NLRP11: variants seen among roughly 807,000 people sequenced by gnomAD.
The protein encoded by NLRP11 is NACHT, LRR and PYD domains-containing protein 11.
NLRP11 carries 53 observed loss-of-function variants against 79.3 expected under a neutral mutation model. That is an observed-to-expected ratio of 0.67 (90% CI 0.54 to 0.84). NLRP11 has a LOEUF of 0.84. Ranked by LOEUF, NLRP11 falls within the 40% of genes least tolerant of loss-of-function variation. The probability of loss-of-function intolerance (pLI) is 0.00; values close to 1 mark genes in which losing one functional copy is unlikely to be tolerated. For synonymous variants in NLRP11, 518 were observed against 462.6 expected, an observed-to-expected ratio of 1.12 and a Z score of -1.54; for missense variants, 1,264 against 1,255.0, an observed-to-expected ratio of 1.01 and a Z score of -0.11.
At chr19:55,788,273 A>G (rs1188506832) in intron 9 of NLRP11, among the ~76,000 whole-genome samples, 1 of 152,174 alleles carries the variant, frequency 6.6e-6, no homozygotes, top group East Asian at 1.9e-4. Flanking sequence ...TACGTCAAGT[A>G]TAATATCAAC....
upstream of NLRP11, among the ~76,000 whole-genome samples, chr19:55,833,372 G>A (rs1036424486): frequency 8.5e-5 from 13 of 152,080 alleles, no homozygotes; most frequent in African/African-American, 3.1e-4. Context: ...ACTAGTACAA[G>A]CCAAGAGACG....
At chr19:55,819,185 A>G (rs1981445668) in intron 1 of NLRP11, among the ~76,000 whole-genome samples, 2 of 119,504 alleles carry the variant, frequency 1.7e-5, no homozygotes, top group African/African-American at 7.3e-5. Flanking sequence ...ACACACACAC[A>G]CACAGGTTGC....
intron 7 of NLRP11, among the ~76,000 whole-genome samples, chr19:55,790,901 G>A (rs1206808955): frequency 6.6e-6 from 1 of 152,212 alleles, no homozygotes; most frequent in African/African-American, 2.4e-5. Flanking sequence ...CCCTATGGGA[G>A]CTCATAGAGG....
intron 5 of NLRP11, among the ~76,000 whole-genome samples, chr19:55,797,226 G>C (rs997933048): frequency 2.6e-5 from 4 of 152,076 alleles, no homozygotes; most frequent in African/African-American, 9.7e-5. Context: ...TTGAACTCAG[G>C]AGTTCGAGGC....
At chr19:55,787,462 G>A (rs140396500) in intron 9 of NLRP11, among the ~76,000 whole-genome samples, 1,966 of 152,198 alleles carry the variant, frequency 0.013, 52 homozygotes, top group African/African-American at 0.046. Context: ...TCAGCCTCCC[G>A]AGTAGCTGGG....
rs774503174 is a variant in NLRP11, at chr19:55,792,389, C to CT, written c.2424dup (p.Asp809ArgfsTer37). The stretch of plus-strand genomic sequence containing the variant: ...TTTTTTAAGCGATTCACACACAGGT[C>CT]TAGTTGTCTTAGAGTTGGGCTGAAC... On this transcript the variant is annotated frameshift_variant, in exon 7 of 10. Transcript: ENST00000589093. LOFTEE classifies it high-confidence loss of function. The CT allele has an allele frequency of 1.2e-6, 2 of 1,614,100 alleles. No homozygotes were observed. The highest frequency in any genetic ancestry group is 1.7e-6 in the Non-Finnish European group (2 of 1,179,960).
upstream of NLRP11, chr19:55,832,039 C>T (rs1312258301): frequency 6.6e-6 from 1 of 152,264 alleles, no homozygotes; most frequent in African/African-American, 2.4e-5. Flanking sequence ...CGGTGCCTGC[C>T]CGGTGATTAG....
At chr19:55,808,110 TGTC>T (rs1980185320) in intron 3 of NLRP11, 96 bp from the exon 4 acceptor site, 3 of 788,544 alleles carry the variant, frequency 3.8e-6, no homozygotes, top group Non-Finnish European at 6.1e-6. Flanking sequence ...GAGTGCCTGT[TGTC>T]TGACTCAGAT....
exon 10 of NLRP11, chr19:55,785,492 GTCACAC>G (rs768868980): frequency 0.072 from 46,065 of 642,824 alleles, 881 homozygotes; most frequent in Non-Finnish European, 0.08. Context: ...CTGGATCAAG[GTCACAC>G]ACACACACAC....
chr19:55,789,009 C>A, intron 8 of NLRP11, 32 bp from the exon 9 acceptor site: 2 of 1,610,854 alleles, frequency 1.2e-6, no homozygotes, highest in Non-Finnish European at 1.7e-6. Flanking sequence ...AAGGTGGGGC[C>A]AAATCCTTGA....
At chr19:55,795,722 T>TCA (rs1309505438) in intron 6 of NLRP11, among the ~76,000 whole-genome samples, 6 of 152,190 alleles carry the variant, frequency 3.9e-5, no homozygotes, top group Non-Finnish European at 7.4e-5. Context: ...ACTCCTGACC[T>TCA]TGTGATCCGC....
Position 55,807,964 on chromosome 19 carries a change from G to A in NLRP11, c.1892C>T (p.Thr631Ile). 1 of 1,610,800 alleles carries A rather than the reference G, an allele frequency of 6.2e-7. No individual in the cohort carries two copies. The highest frequency in any genetic ancestry group is 2.2e-5 in the East Asian group (1 of 44,848). ...ATGCAGCTCCCGGAGGCTCTCCATT[G>A]TATAAAAAAGAGAGCAGATCTCTCT... Residue 631 changes from threonine (T) to isoleucine (I), a missense_variant, in exon 4 of 10, where the codon ACA becomes ATA. Transcript: ENST00000589093.
At chr19:55,804,451 TG>T (rs1979788097) in intron 4 of NLRP11, among the ~76,000 whole-genome samples, 1 of 151,822 alleles carries the variant, frequency 6.6e-6, no homozygotes, top group African/African-American at 2.4e-5. Context: ...TTTTTTTTTT[TG>T]GCGGGGGCAG....
At position 55,810,203 on chromosome 19, in the gene NLRP11, T is replaced by C. The variant is rs147011755; in HGVS notation, c.407A>G (p.Tyr136Cys). Residue 136 changes from tyrosine to cysteine, a missense_variant, in exon 3 of 10, where the codon TAT becomes TGT. Tyr to Cys is a radical substitution (Grantham distance 194, BLOSUM62 -2). Transcript: ENST00000589093. The stretch of plus-strand genomic sequence containing the variant: ...TGCTGAATAATAGCTGGTAGAATCA[T>C]AGGCTAATTGAAGTATGTAGAACAC... 34 of 1,614,026 alleles carry C rather than the reference T, an allele frequency of 2.1e-5. No homozygotes were observed. The highest frequency in any genetic ancestry group is 2.8e-5 in the Non-Finnish European group (33 of 1,180,006).
At chr19:55,825,164 T>C (rs1982162509) in intron 1 of NLRP11, among the ~76,000 whole-genome samples, 1 of 4,252 alleles carries the variant, frequency 2.4e-4, no homozygotes, top group East Asian at 4.6e-3. Flanking sequence ...GAATGACTAC[T>C]GGGTACATAA....
chr19:55,835,000 A>T (rs1983110228), upstream of NLRP11, among the ~76,000 whole-genome samples: 1 of 152,310 alleles, frequency 6.6e-6, no homozygotes, highest in South Asian at 2.1e-4. Context: ...ACCCCTGAGG[A>T]TGCAACGGGC....
exon 10 of NLRP11, chr19:55,785,500 C>CAA (rs1989811394): frequency 7.2e-6 from 3 of 414,108 alleles, no homozygotes; most frequent in Non-Finnish European, 1.2e-5. Flanking sequence ...AGGTCACACA[C>CAA]ACACACACAC....
At chr19:55,788,038 A>G (rs991599953) in intron 9 of NLRP11, among the ~76,000 whole-genome samples, 12 of 152,220 alleles carry the variant, frequency 7.9e-5, no homozygotes, top group Non-Finnish European at 2.9e-5. Flanking sequence ...TGACACTCAC[A>G]TAGACTGTAA....
exon 10 of NLRP11, chr19:55,785,701 T>C: frequency 6.2e-7 from 1 of 1,614,044 alleles, no homozygotes; most frequent in Non-Finnish European, 8.5e-7. Context: ...AAACATGTAA[T>C]CCAAATTAGA....
Sources: gnomAD v4.1 joint callset for allele counts (sites outside exome capture counted in the v4.1 genomes callset) on GRCh38, gnomAD v4.1.1 for gene constraint, MANE v1.5 for transcripts, NCBI Gene and HGNC (gene_info 2026-07-23, HGNC 2026-07-21) for gene names.